Variants in WDR59 observed in about 807,000 individuals in gnomAD.
The protein encoded by WDR59 is WD repeat domain 59, also known as GATOR2 complex protein WDR59.
In WDR59, 100 loss-of-function variants were observed where a neutral mutation model predicts 131.2. The observed-to-expected ratio is 0.76, with a 90% CI of 0.65 to 0.90. WDR59 has a LOEUF of 0.90. WDR59 is among the 40% of genes least tolerant of loss of function. The probability of loss-of-function intolerance (pLI) is 0.00; values close to 1 mark genes in which losing one functional copy is unlikely to be tolerated. For synonymous variants in WDR59, 601 were observed against 466.2 expected, an observed-to-expected ratio of 1.29 and a Z score of -3.72; for missense variants, 1,203 against 1,262.2, an observed-to-expected ratio of 0.95 and a Z score of 0.71.
At chr16:74,977,740 T>A (rs932532814) in intron 1 of WDR59, among the ~76,000 whole-genome samples, 9 of 152,154 alleles carry the variant, frequency 5.9e-5, no homozygotes, top group African/African-American at 2.2e-4. Context: ...GATACTTATC[T>A]ACTTATAGCA....
At position 74,885,604 on chromosome 16, in the gene WDR59, T is replaced by G. The variant is rs369583625; in HGVS notation, c.2689+49A>C. 3.9e-5 allele frequency: 63 copies of G among 1,598,512 alleles called. No individual in the cohort carries two copies. In the Middle Eastern group the frequency reaches 1.2e-3, roughly 30 times the overall value. The stretch of plus-strand genomic sequence containing the variant: ...GTCTGAGGCTGTGGACATATTAAAT[T>G]ACAGGATCTTTCAGACAGTGAAAGG... On this transcript the variant is annotated intron_variant, in intron 25 of 25. Transcript: ENST00000262144.
At chr16:74,900,293 G>C (rs1436728171) in intron 18 of WDR59, among the ~76,000 whole-genome samples, 1 of 152,150 alleles carries the variant, frequency 6.6e-6, no homozygotes, top group African/African-American at 2.4e-5. Flanking sequence ...ACTATCTTCA[G>C]AGTGACACCA....
chr16:74,955,141 T>G (rs1480673637), intron 3 of WDR59, among the ~76,000 whole-genome samples: 1 of 152,246 alleles, frequency 6.6e-6, no homozygotes, highest in Non-Finnish European at 1.5e-5. Flanking sequence ...GCTGTCTTTG[T>G]TAGCACTCCC....
chr16:74,941,239 G>A (rs2032194175), intron 7 of WDR59, among the ~76,000 whole-genome samples: 1 of 151,312 alleles, frequency 6.6e-6, no homozygotes, highest in Non-Finnish European at 1.5e-5. Flanking sequence ...TACTCAGGAG[G>A]CTGAAGCAGG....
chr16:74,979,370 G>A (rs1182241883), intron 1 of WDR59, among the ~76,000 whole-genome samples: 1 of 151,716 alleles, frequency 6.6e-6, no homozygotes, highest in East Asian at 2.0e-4. Context: ...GGAGGCTGAG[G>A]CAGGAGAATG....
intron 2 of WDR59, among the ~76,000 whole-genome samples, chr16:74,964,611 G>C (rs953882876): frequency 2.6e-5 from 4 of 152,086 alleles, no homozygotes; most frequent in African/African-American, 9.7e-5. Flanking sequence ...TCAAAATAAA[G>C]TAATGAAGCT....
chr16:74,950,926 C>A (rs1413222770), intron 4 of WDR59, among the ~76,000 whole-genome samples: 1 of 149,838 alleles, frequency 6.7e-6, no homozygotes, highest in Non-Finnish European at 1.5e-5. Context: ...GAGGCCAAGG[C>A]AGGTGGGTCA....
intron 8 of WDR59, among the ~76,000 whole-genome samples, chr16:74,935,533 A>G (rs1435200432): frequency 6.6e-6 from 1 of 152,000 alleles, no homozygotes; most frequent in Non-Finnish European, 1.5e-5. Flanking sequence ...CTGACCCCTT[A>G]GAATTTAGAA....
chr16:74,928,909 A>T (rs2031126225), intron 8 of WDR59, among the ~76,000 whole-genome samples: 2 of 152,056 alleles, frequency 1.3e-5, no homozygotes, highest in Admixed American at 6.6e-5. Flanking sequence ...ACTCTGTCTC[A>T]AAAAAAATAA....
chr16:74,910,802 C>T (rs1381737815), intron 14 of WDR59, among the ~76,000 whole-genome samples: 1 of 151,986 alleles, frequency 6.6e-6, no homozygotes, highest in Non-Finnish European at 1.5e-5. Flanking sequence ...TGAGGAGTGT[C>T]GCTCTTACTG....
In WDR59 at chr16:74,973,792, T is replaced by C. The variant is rs151184463; in HGVS notation, c.55-7970A>G. Among the ~76,000 whole-genome samples the C allele has an allele frequency of 5.8e-4, 88 of 152,328 alleles. 2 individuals are homozygous for C. In the East Asian group the frequency reaches 0.017, roughly 29 times the overall value. On this transcript the variant is annotated intron_variant, in intron 1 of 25. Transcript: ENST00000262144. Reference sequence around the variant, plus strand: ...GGCTCATACCTGTAATCCCAGTACTTTGGGAGGCCAAGGCAGGCAGATCGC... The same window carrying C: ...GGCTCATACCTGTAATCCCAGTACTCTGGGAGGCCAAGGCAGGCAGATCGC...
rs563116233 is a variant in WDR59, at chr16:74,934,627, C to CA, written c.651+3522dup. ...TACCCTTTTCTAAGGGTCCCTGCTACAAGCTACAGATCAGAAAAAAGTCCT... is the reference window on the plus strand; with the variant it reads ...TACCCTTTTCTAAGGGTCCCTGCTACAAAGCTACAGATCAGAAAAAAGTCCT... On this transcript the variant is annotated intron_variant, in intron 8 of 25. Transcript: ENST00000262144. 1.1e-3 allele frequency among the ~76,000 whole-genome samples: 161 copies of CA among 152,256 alleles called. 2 individuals carry two copies. Among genetic ancestry groups the CA allele is most frequent in the African/African-American group, 3.7e-3 (154 of 41,560 alleles).
Position 74,956,485 on chromosome 16 carries a change from A to G in WDR59, c.230T>C (p.Phe77Ser). Residue 77 changes from phenylalanine (F) to serine (S), a missense_variant, in exon 3 of 26, where the codon TTT becomes TCT. Coordinates refer to ENST00000262144, the MANE Select transcript of WDR59 (RefSeq NM_030581.4). ...CTTAAATAAGCTCACCGAAGCCGCA[A>G]AATAGTGTGCAAAGCTGTCATGAGG... ...WNPHDSFAHYFAASSNQRVDL... is the reference protein window; with the variant it reads ...WNPHDSFAHYSAASSNQRVDL... 6.2e-7 allele frequency: 1 copy of G among 1,613,346 alleles called. No individual in the cohort carries two copies. Among genetic ancestry groups the G allele is most frequent in the Non-Finnish European group, 8.5e-7 (1 of 1,179,826 alleles).
chr16:74,965,655 G>C (rs2033739700), intron 2 of WDR59, 118 bp downstream of exon 2: 2 of 1,264,178 alleles, frequency 1.6e-6, no homozygotes, highest in Non-Finnish European at 2.3e-6. Flanking sequence ...CAGGATATCA[G>C]AACTAAACCC....
At chr16:74,877,804 C>T (rs1380925148) in intron 25 of WDR59, among the ~76,000 whole-genome samples, 2 of 152,194 alleles carry the variant, frequency 1.3e-5, no homozygotes, top group Non-Finnish European at 2.9e-5. Context: ...CTCGGCTTCC[C>T]AAAGTGCTAG....
intron 1 of WDR59, among the ~76,000 whole-genome samples, chr16:74,982,290 C>G (rs2034459246): frequency 6.6e-6 from 1 of 152,020 alleles, no homozygotes; most frequent in Non-Finnish European, 1.5e-5. Flanking sequence ...TTCCAATCAT[C>G]ACCAGAATCA....
At chr16:74,971,056 A>AT in intron 1 of WDR59, among the ~76,000 whole-genome samples, 1 of 152,010 alleles carries the variant, frequency 6.6e-6, no homozygotes. Flanking sequence ...CTAAAAAAAA[A>AT]GCCAAAAAAA....
At chr16:74,947,900 T>C (rs1302350580) in intron 6 of WDR59, among the ~76,000 whole-genome samples, 1 of 152,118 alleles carries the variant, frequency 6.6e-6, no homozygotes, top group East Asian at 1.9e-4. Flanking sequence ...GTGAAACCTG[T>C]GTCTACTAAA....
At chr16:74,964,366 C>T (rs982722134) in intron 2 of WDR59, among the ~76,000 whole-genome samples, 11 of 117,850 alleles carry the variant, frequency 9.3e-5, no homozygotes, top group African/African-American at 3.4e-4. Context: ...GCAACAAGAG[C>T]GAAACATCAT....
Sources: gnomAD v4.1 joint callset for allele counts (sites outside exome capture counted in the v4.1 genomes callset) on GRCh38, gnomAD v4.1.1 for gene constraint, MANE v1.5 for transcripts, NCBI Gene and HGNC (gene_info 2026-07-23, HGNC 2026-07-21) for gene names.